Variants in ARHGAP10 observed in about 807,000 individuals in gnomAD.
ARHGAP10 encodes the protein Rho GTPase activating protein 10, also known as rho GTPase-activating protein 10.
A neutral mutation model predicts 108.6 loss-of-function variants in ARHGAP10; 87 were observed. The observed-to-expected ratio is 0.80, with a 90% CI of 0.67 to 0.96. The LOEUF is 0.96. ARHGAP10 is among the 40% of genes least tolerant of loss of function. ARHGAP10 has a pLI of 0.00. For missense variants in ARHGAP10, 939 were observed against 954.5 expected, an observed-to-expected ratio of 0.98 and a Z score of 0.21; for synonymous variants, 347 against 341.1, an observed-to-expected ratio of 1.02 and a Z score of -0.19.
intron 7 of ARHGAP10, among the ~76,000 whole-genome samples, chr4:147,872,878 G>C (rs1047700266): frequency 1.3e-5 from 2 of 152,218 alleles, no homozygotes; most frequent in Non-Finnish European, 2.9e-5. Context: ...CAAAGTTCAA[G>C]CCTGTGTTAA....
chr4:147,994,451 A>G (rs1182945129), intron 18 of ARHGAP10, among the ~76,000 whole-genome samples: 2 of 152,364 alleles, frequency 1.3e-5, no homozygotes, highest in Admixed American at 1.3e-4. Context: ...CACATGGGCT[A>G]CAGATTTTAG....
At chr4:147,979,878 C>T (rs1465955700) in intron 18 of ARHGAP10, among the ~76,000 whole-genome samples, 1 of 152,046 alleles carries the variant, frequency 6.6e-6, no homozygotes, top group Non-Finnish European at 1.5e-5. Flanking sequence ...TATCTGTTGA[C>T]TTTGCATCCT....
rs780878470 is a variant in ARHGAP10, at chr4:148,063,256, C to T, written c.2136C>T (p.Phe712=). The part of the protein sequence containing the change: ...VTPLSPGSSP[F]PFSPPATVAD... ...CTCTTTCACCCGGGTCGTCCCCTTT[C>T]CCCTTTTCTCCTCCTGCTACTGTAG... is the stretch of plus-strand genomic sequence containing the variant. Residue 712 remains phenylalanine (F), a synonymous_variant, in exon 21 of 23, where the codon TTC becomes TTT. Transcript: ENST00000336498. 1.2e-6 allele frequency: 2 copies of T among 1,614,168 alleles called. No individual in the cohort carries two copies. The highest frequency in any genetic ancestry group is 2.2e-5 in the South Asian group (2 of 91,074).
chr4:147,837,722 C>G (rs1211193919), intron 3 of ARHGAP10, among the ~76,000 whole-genome samples: 1 of 137,302 alleles, frequency 7.3e-6, no homozygotes, highest in Non-Finnish European at 1.5e-5. Context: ...GGAACCCTAG[C>G]TAGGTGTCAT....
intron 18 of ARHGAP10, among the ~76,000 whole-genome samples, chr4:148,015,691 G>A (rs1407936680): frequency 2.6e-5 from 4 of 152,186 alleles, no homozygotes; most frequent in Non-Finnish European, 5.9e-5. Flanking sequence ...GTCGTAGGTC[G>A]AAGTTCAGGT....
rs779511439 is a variant in ARHGAP10, at chr4:147,966,848, T to G, written c.1716+9T>G. On this transcript the variant is annotated intron_variant, in intron 18 of 22. Transcript: ENST00000336498. ...TTGAAAACCATGAAAAGGTAAAATT[T>G]TTTTTTTCTTTAAGAGACTTTGTTT... 1.0e-5 allele frequency: 16 copies of G among 1,556,814 alleles called. No homozygotes were observed. Among genetic ancestry groups the G allele is most frequent in the African/African-American group, 2.7e-5 (2 of 73,408 alleles).
intron 10 of ARHGAP10, among the ~76,000 whole-genome samples, chr4:147,882,549 G>T (rs1393677059): frequency 6.6e-6 from 1 of 152,052 alleles, no homozygotes; most frequent in Non-Finnish European, 1.5e-5. Flanking sequence ...AGAGGAACTG[G>T]GTGACAAAGC....
chr4:148,032,618 A>T (rs1009384249), intron 19 of ARHGAP10, among the ~76,000 whole-genome samples: 1 of 152,068 alleles, frequency 6.6e-6, no homozygotes, highest in African/African-American at 2.4e-5. Flanking sequence ...AATAAGATAG[A>T]TGTATATATT....
intron 18 of ARHGAP10, among the ~76,000 whole-genome samples, chr4:148,002,284 G>A (rs925826694): frequency 6.6e-6 from 1 of 152,132 alleles, no homozygotes; most frequent in Non-Finnish European, 1.5e-5. Flanking sequence ...TGGTGGATAA[G>A]CTTTTTGATG....
intron 1 of ARHGAP10, among the ~76,000 whole-genome samples, chr4:147,735,496 G>A (rs781353678): frequency 7.9e-5 from 12 of 152,196 alleles, no homozygotes; most frequent in African/African-American, 1.4e-4. Flanking sequence ...GACTAGTTTG[G>A]CTGGAATGGT....
rs1043941132 is a variant in ARHGAP10 at position 147,906,503 on chromosome 4, G to C, written c.1035-135G>C. ...GAACTCTACACTTAAAAATCGTTAA[G>C]ATGATAAATTTTAGGTTACATGTAT... On this transcript the variant is annotated intron_variant, in intron 10 of 22. Transcript: ENST00000336498. The C allele has an allele frequency of 5.0e-5, 37 of 746,958 alleles. No homozygotes were observed. In the African/African-American group the frequency reaches 6.4e-4, roughly 13 times the overall value. 46.3% of individuals were successfully genotyped at this position (746,958 alleles called of 1,614,324 possible).
intron 22 of ARHGAP10, among the ~76,000 whole-genome samples, chr4:148,067,335 T>G (rs767722386): frequency 1.3e-5 from 2 of 152,244 alleles, no homozygotes; most frequent in African/African-American, 2.4e-5. Context: ...AGTTGATCTC[T>G]TAGCTAGTTA....
At chr4:147,884,776 G>A (rs1050692877) in intron 10 of ARHGAP10, among the ~76,000 whole-genome samples, 4 of 152,208 alleles carry the variant, frequency 2.6e-5, no homozygotes, top group Non-Finnish European at 2.9e-5. Context: ...GACACCTAGC[G>A]TCACTAGTGC....
In ARHGAP10 at chr4:147,886,246, T is replaced by C. The variant is rs557973046; in HGVS notation, c.1034+4314T>C. 7.2e-5 allele frequency among the ~76,000 whole-genome samples: 11 copies of C among 152,342 alleles called. No homozygotes were observed. The South Asian group carries it at 2.1e-3, about 29-fold the overall frequency. On this transcript the variant is annotated intron_variant, in intron 10 of 22. Coordinates refer to ENST00000336498, the MANE Select transcript of ARHGAP10 (RefSeq NM_024605.4). ...TCAACCGGTGCATTGCCAATTCTGC[T>C]CTTTTTACAAGTCTTGGTAATTTCA...
chr4:147,841,408 T>G (rs1014149381), intron 3 of ARHGAP10, among the ~76,000 whole-genome samples: 2 of 152,240 alleles, frequency 1.3e-5, no homozygotes, highest in Non-Finnish European at 2.9e-5. Context: ...ATTTGAAAAC[T>G]TCTCAATATT....
intron 8 of ARHGAP10, among the ~76,000 whole-genome samples, chr4:147,876,428 TA>T (rs1735061461): frequency 6.6e-6 from 1 of 152,020 alleles, no homozygotes; most frequent in East Asian, 1.9e-4. Flanking sequence ...CTGTCTCTAC[TA>T]AAAAATACAA....
At chr4:147,936,501 T>C (rs1271927967) in intron 13 of ARHGAP10, among the ~76,000 whole-genome samples, 3 of 151,774 alleles carry the variant, frequency 2.0e-5, no homozygotes, top group African/African-American at 4.8e-5. Flanking sequence ...GCTAATTTTT[T>C]TGTATTTTTA....
intron 21 of ARHGAP10, among the ~76,000 whole-genome samples, chr4:148,063,716 C>G (rs912794241): frequency 1.3e-5 from 2 of 152,254 alleles, no homozygotes; most frequent in Non-Finnish European, 2.9e-5. Context: ...CCAGCAGCCT[C>G]TTCCACCTGT....
At chr4:147,752,653 G>A (rs550667128) in intron 1 of ARHGAP10, among the ~76,000 whole-genome samples, 15 of 151,808 alleles carry the variant, frequency 9.9e-5, no homozygotes, top group South Asian at 2.1e-4. Context: ...TCAGCCTCCC[G>A]AGTAGCTGGA....
Sources: allele counts gnomAD v4.1 joint callset (sites outside exome capture counted in the v4.1 genomes callset), GRCh38; gene constraint gnomAD v4.1.1; transcripts MANE v1.5; gene names NCBI Gene and HGNC (gene_info 2026-07-23, HGNC 2026-07-21).